Variants in MACF1 observed in about 807,000 individuals in gnomAD.
MACF1 encodes the protein microtubule-actin cross-linking factor 1.
A neutral mutation model predicts 854.8 loss-of-function variants in MACF1; 193 were observed. The observed-to-expected ratio is 0.23, with a 90% CI of 0.20 to 0.25. The LOEUF is 0.25. MACF1 is among the 10% of genes least tolerant of loss of function. The pLI, the probability that MACF1 is intolerant of heterozygous loss-of-function variation, is 1.00. For missense variants in MACF1, 7,722 were observed against 8,929.1 expected (o/e 0.86, Z 5.45); for synonymous variants, 3,185 against 3,226.7 (o/e 0.99, Z 0.44).
At chr1:39,459,314 C>G in intron 91 of MACF1, 65 bp downstream of exon 91, 1 of 1,492,164 alleles carries the variant, frequency 6.7e-7, no homozygotes, top group Non-Finnish European at 9.1e-7. Flanking sequence ...CACAGCCCTT[C>G]TGAGGCTCTC....
In MACF1 at chr1:39,116,420, ATG is replaced by A. The variant is rs1010346153; in HGVS notation, c.220+31992_220+31993del. 7.3e-5 allele frequency among the ~76,000 whole-genome samples: 11 copies of A among 150,608 alleles called. No homozygotes were observed. The East Asian group carries it at 2.1e-3, about 29-fold the overall frequency. On this transcript the variant is annotated intron_variant, in intron 2 of 93. Transcript: ENST00000361689. The stretch of plus-strand genomic sequence containing the variant: ...TGTGTGTGTGCACGTGTGTGTGTGT[ATG>A]TGTGTGTGTTTTCCCTCTAGCCCTA...
In MACF1 at chr1:39,481,034, G is replaced by T; in HGVS notation, c.22281+4G>T. ...CCTCCAGCTGCCCACCCCCGAGGTA[G>T]AGTATGGCTTTGCTGACTGAGGACA... On this transcript the variant is annotated splice_donor_region_variant and intron_variant, in intron 99 of 100. Coordinates refer to ENST00000564288, the MANE Select transcript of MACF1 (RefSeq NM_001394062.1). 6.5e-7 allele frequency: 1 copy of T among 1,540,680 alleles called. No individual in the cohort carries two copies. Among genetic ancestry groups the T allele is most frequent in the Non-Finnish European group, 8.8e-7 (1 of 1,138,024 alleles).
At chr1:39,366,895 CGG>C (rs1648762595) in intron 49 of MACF1, among the ~76,000 whole-genome samples, 1 of 147,614 alleles carries the variant, frequency 6.8e-6, no homozygotes, top group African/African-American at 2.5e-5. Flanking sequence ...CCTCCTGCCT[CGG>C]CCTCCCAAAG....
chr1:39,411,501 GGA>G, intron 58 of MACF1: 1 of 1,613,664 alleles, frequency 6.2e-7, no homozygotes, highest in Non-Finnish European at 8.5e-7. Flanking sequence ...CTGTTCCCAA[GGA>G]TATACCCCTG....
At chr1:39,272,481 C>T (rs1460522798) in intron 6 of MACF1, among the ~76,000 whole-genome samples, 1 of 152,238 alleles carries the variant, frequency 6.6e-6, no homozygotes, top group East Asian at 1.9e-4. Context: ...AAACAGGAGA[C>T]AGCTGGCAGT....
At chr1:39,220,843 G>C (rs1644643679) in intron 1 of MACF1, among the ~76,000 whole-genome samples, 1 of 152,188 alleles carries the variant, frequency 6.6e-6, no homozygotes, top group East Asian at 1.9e-4. Context: ...TTCAGATACA[G>C]AAATGGACTT....
intron 2 of MACF1, among the ~76,000 whole-genome samples, chr1:39,092,211 T>C (rs1641825740): frequency 6.6e-6 from 1 of 152,046 alleles, no homozygotes; most frequent in Admixed American, 6.6e-5. Context: ...TTGGCTTTCG[T>C]AGGAAGGAAA....
intron 40 of MACF1, among the ~76,000 whole-genome samples, chr1:39,345,500 A>G (rs1647024606): frequency 6.6e-6 from 1 of 152,158 alleles, no homozygotes; most frequent in African/African-American, 2.4e-5. Flanking sequence ...GGTCCCAGCT[A>G]CTTGGAAGGC....
At chr1:39,450,025 A>G (rs1224633709) in intron 84 of MACF1, among the ~76,000 whole-genome samples, 1 of 151,828 alleles carries the variant, frequency 6.6e-6, no homozygotes, top group East Asian at 1.9e-4. Flanking sequence ...ATGCCCAGCT[A>G]ATTTTTTTTA....
intron 2 of MACF1, among the ~76,000 whole-genome samples, chr1:39,125,650 ATAGC>A (rs1222209191): frequency 6.6e-6 from 1 of 152,212 alleles, no homozygotes; most frequent in Admixed American, 6.5e-5. Context: ...AAGTGTGCAT[ATAGC>A]CAGGTCCTGT....
Position 39,447,841 on chromosome 1 carries a change from C to G in MACF1, c.19911C>G (p.Val6637=). The part of the protein sequence containing the change: ...VSVQSRWEKV[V]QRSIERGRSL... The stretch of plus-strand genomic sequence containing the variant: ...TGCAGTCTCGATGGGAGAAGGTTGT[C>G]CAGCGATCTATTGAAAGAGGGCGAT... The change falls in exon 82 of 101, where the codon GTC becomes GTG. Residue 6637 remains valine, a synonymous_variant. Transcript: ENST00000564288. 6.2e-7 allele frequency: 1 copy of G among 1,613,416 alleles called. No individual in the cohort carries two copies. Among genetic ancestry groups the G allele is most frequent in the Non-Finnish European group, 8.5e-7 (1 of 1,179,758 alleles).
At chr1:39,265,347 A>G (rs1166111659) in intron 6 of MACF1, among the ~76,000 whole-genome samples, 2 of 152,118 alleles carry the variant, frequency 1.3e-5, no homozygotes, top group Non-Finnish European at 2.9e-5. Flanking sequence ...ACAAAAAGCC[A>G]AAGGAGAAGG....
Position 39,357,780 on chromosome 1 carries a change from G to A in MACF1, c.11830G>A (p.Val3944Ile). Residue 3944 changes from valine to isoleucine, a missense_variant, in exon 45 of 101, where the codon GTC (valine) becomes ATC (isoleucine). Physicochemically the swap from Val to Ile is conservative, Grantham distance 29 (BLOSUM62 3). This residue lies in a region of MACF1 where 2,807 missense variants were observed against 3,235.8 expected (regional missense o/e 0.87). Coordinates refer to ENST00000564288, the MANE Select transcript of MACF1 (RefSeq NM_001394062.1). Reference protein sequence around the residue: ...LRFVTISGQKVLDMENSFKEG... With the variant: ...LRFVTISGQKILDMENSFKEG... ...ATTTGTGACTATCTCAGGACAGAAA[G>A]TCTTGGACATGGAAAACAGTTTTAA... 1 of 1,614,144 alleles carries A rather than the reference G, an allele frequency of 6.2e-7. No homozygotes were observed. The highest frequency in any genetic ancestry group is 1.1e-5 in the South Asian group (1 of 91,080).
At chr1:39,302,019 A>G (rs1646055253) in intron 22 of MACF1, among the ~76,000 whole-genome samples, 1 of 151,442 alleles carries the variant, frequency 6.6e-6, no homozygotes. Flanking sequence ...GTTTTGTGAC[A>G]GGGTCTGACT....
At chr1:39,179,351 T>C (rs1231913164) in intron 2 of MACF1, among the ~76,000 whole-genome samples, 1 of 152,136 alleles carries the variant, frequency 6.6e-6, no homozygotes, top group African/African-American at 2.4e-5. Flanking sequence ...GGATGAACCA[T>C]ACATGGGAGA....
At chr1:39,461,083 CAAAA>C (rs1284550970) in intron 92 of MACF1, among the ~76,000 whole-genome samples, 2 of 63,440 alleles carry the variant, frequency 3.2e-5, no homozygotes, top group Admixed American at 1.9e-4. Flanking sequence ...GACTCTGTCT[CAAAA>C]AAAAAAAAAA....
At chr1:39,370,419 C>A (rs988656114) in intron 51 of MACF1, among the ~76,000 whole-genome samples, 4 of 152,118 alleles carry the variant, frequency 2.6e-5, no homozygotes, top group African/African-American at 9.7e-5. Flanking sequence ...GAGCAAGTAA[C>A]CAGATAATAT....
intron 6 of MACF1, chr1:39,269,493 G>A (rs1370601082): frequency 7.8e-7 from 1 of 1,289,710 alleles, no homozygotes; most frequent in Admixed American, 2.3e-5. Flanking sequence ...TGTGGGTCAA[G>A]TGCCCCCCCA....
Position 39,455,014 on chromosome 1 carries a change from G to A in MACF1, c.20992G>A (p.Ala6998Thr). The stretch of plus-strand genomic sequence containing the variant: ...AGAACTTCTGGCATGGATCCAGTGG[G>A]CTGAGACCACCCTCATTCAGCGGGA... Reference protein sequence around the residue: ...LEELLAWIQWAETTLIQRDQE... With the variant: ...LEELLAWIQWTETTLIQRDQE... The change falls in exon 89 of 101, where the codon GCT becomes ACT. Residue 6998 changes from alanine to threonine, a missense_variant. By Grantham distance (58) the Ala-to-Thr change is moderately conservative. Coordinates refer to ENST00000564288, the MANE Select transcript of MACF1 (RefSeq NM_001394062.1). 1 of 1,614,112 alleles carries A rather than the reference G, an allele frequency of 6.2e-7. No individual in the cohort carries two copies. The highest frequency in any genetic ancestry group is 8.5e-7 in the Non-Finnish European group (1 of 1,180,010).
Sources: allele counts gnomAD v4.1 joint callset (sites outside exome capture counted in the v4.1 genomes callset), GRCh38; gene constraint gnomAD v4.1.1; regional missense constraint gnomAD v4.1.1; transcripts MANE v1.5; gene names NCBI Gene and HGNC (gene_info 2026-07-23, HGNC 2026-07-21).